KRT79: variants seen among roughly 807,000 people sequenced by gnomAD.
KRT79 encodes the protein keratin, type II cytoskeletal 79.
In KRT79, 51 loss-of-function variants were observed where a neutral mutation model predicts 49.0. The ratio of observed to expected loss-of-function variants is 1.04; its 90% CI spans 0.83 to 1.31. The LOEUF (loss-of-function observed/expected upper bound fraction) is 1.31, where lower values mean the gene tolerates loss of function less well. Ranked by LOEUF, KRT79 falls within the 40% of genes most tolerant of loss-of-function variation. The pLI, the probability that KRT79 is intolerant of heterozygous loss-of-function variation, is 0.00. For missense variants in KRT79, 728 were observed against 688.0 expected, an observed-to-expected ratio of 1.06 and a Z score of -0.65; for synonymous variants, 312 against 286.6, an observed-to-expected ratio of 1.09 and a Z score of -0.90.
intron 6 of KRT79, 79 bp from the exon 7 acceptor site, chr12:52,823,315 T>C (rs1044585849): frequency 1.7e-6 from 2 of 1,178,458 alleles, no homozygotes; most frequent in Non-Finnish European, 1.2e-6. Context: ...CATGGAGACA[T>C]CATCATTCCC....
chr12:52,827,861 T>C (rs1940198313), intron 4 of KRT79, among the ~76,000 whole-genome samples: 2 of 151,782 alleles, frequency 1.3e-5, no homozygotes, highest in South Asian at 4.2e-4. Flanking sequence ...CAAGACAGGG[T>C]AGATGAGAGA....
chr12:52,829,570 A>G (rs776792711), intron 4 of KRT79, among the ~76,000 whole-genome samples: 1 of 152,194 alleles, frequency 6.6e-6, no homozygotes, highest in Non-Finnish European at 1.5e-5. Context: ...GGCCCATCAA[A>G]AGCACTTAAT....
In KRT79 at chr12:52,822,035, G is replaced by T. The variant is rs1254894269; in HGVS notation, c.1445C>A (p.Ala482Asp). 6 of 1,614,104 alleles carry T rather than the reference G, an allele frequency of 3.7e-6. No homozygotes were observed. Among genetic ancestry groups the T allele is most frequent in the East Asian group, 4.5e-5 (2 of 44,876 alleles). Residue 482 changes from alanine (A) to aspartate (D), a missense_variant, in exon 9 of 9, where the codon GCC becomes GAC. Ala to Asp is a moderately radical substitution (Grantham distance 126). Transcript: ENST00000330553. ...CAGGGAGATGCCACCTCCAAAGCTG[G>T]CTGCGCCACCTCCGCACACAGTGGT... ...NSTTVCGGGAASFGGGISLGG... is the reference protein window; with the variant it reads ...NSTTVCGGGADSFGGGISLGG...
intron 2 of KRT79, 91 bp downstream of exon 2, chr12:52,831,315 C>A (rs1940250264): frequency 2.4e-6 from 3 of 1,266,006 alleles, no homozygotes; most frequent in Admixed American, 1.7e-5. Flanking sequence ...CCAGGTGGGC[C>A]TGGGACCCTG....
intron 6 of KRT79, 66 bp downstream of exon 6, chr12:52,823,821 G>A (rs1250147413): frequency 3.9e-6 from 6 of 1,549,898 alleles, no homozygotes; most frequent in Non-Finnish European, 5.2e-6. Flanking sequence ...CTAGCCCCTC[G>A]GGGTGACAAT....
chr12:52,826,859 T>C (rs1318350317), intron 4 of KRT79, among the ~76,000 whole-genome samples: 2 of 152,140 alleles, frequency 1.3e-5, no homozygotes, highest in African/African-American at 4.8e-5. Flanking sequence ...CTGAGAGCCA[T>C]GCTGGTTCCG....
chr12:52,823,658 T>C (rs1169451176), intron 6 of KRT79, among the ~76,000 whole-genome samples: 3 of 152,174 alleles, frequency 2.0e-5, no homozygotes, highest in Admixed American at 2.0e-4. Flanking sequence ...ATCAGTTTCC[T>C]TGGAGAAGGT....
rs375176330 is a variant in KRT79 at position 52,831,384 on chromosome 12, C to G, written c.698+22G>C. 98 of 1,610,058 alleles carry G rather than the reference C, an allele frequency of 6.1e-5. No homozygotes were observed. In the Middle Eastern group the frequency reaches 2.8e-3, roughly 46 times the overall value. On this transcript the variant is annotated intron_variant, in intron 2 of 8. Coordinates refer to ENST00000330553, the MANE Select transcript of KRT79 (RefSeq NM_175834.3). ...TGCCCCTCCTCACTCCCACATGGCC[C>G]CGCCTGGCCTGCTCTCCTCACTTGT...
chr12:52,829,654 A>G (rs1422515250), intron 4 of KRT79, among the ~76,000 whole-genome samples: 6 of 152,218 alleles, frequency 3.9e-5, no homozygotes, highest in African/African-American at 1.4e-4. Flanking sequence ...TAATCCCAGC[A>G]CTTTGGGAGG....
chr12:52,821,613 C>CGGCGTATCATT lies in KRT79; in HGVS notation c.*258_*259insAATGATACGCC. The stretch of plus-strand genomic sequence containing the variant: ...AGAAATTCAGCCTCCTCTCGGTGGT[C>CGGCGTATCATT]AAAAGGTCACCCCCAAGTCACCCAA... On this transcript the variant is annotated 3_prime_UTR_variant, in exon 9 of 9. Coordinates refer to ENST00000330553, the MANE Select transcript of KRT79 (RefSeq NM_175834.3). The CGGCGTATCATT allele has an allele frequency of 2.0e-6, 1 of 494,336 alleles. No individual in the cohort carries two copies. The highest frequency in any genetic ancestry group is 2.3e-5 in the South Asian group (1 of 43,484). The allele number at this position is 494,336 out of a possible 1,614,324, so 30.6% of individuals were successfully genotyped here. A position where few individuals can be genotyped will look rare whatever the true frequency, so the allele number is the denominator to read the frequency against.
Position 52,822,071 on chromosome 12 carries a change from G to C in KRT79, c.1409C>G (p.Thr470Ser). The C allele has an allele frequency of 6.2e-7, 1 of 1,613,972 alleles. No homozygotes were observed. Among genetic ancestry groups the C allele is most frequent in the South Asian group, 1.1e-5 (1 of 91,090 alleles). ...ECPSAVSISV[T>S]GNSTTVCGGG... ...TCCGCACACAGTGGTGGAGTTGCCA[G>C]TCACAGCTGCAAAGCAAAGGGTCTG... Residue 470 changes from threonine (T) to serine (S), a missense_variant, in exon 9 of 9, where the codon ACT (threonine) becomes AGT (serine). Physicochemically the swap from Thr to Ser is moderately conservative, Grantham distance 58. Coordinates refer to ENST00000330553, the MANE Select transcript of KRT79 (RefSeq NM_175834.3).
intron 4 of KRT79, among the ~76,000 whole-genome samples, chr12:52,825,174 T>C (rs1018932465): frequency 1.3e-5 from 2 of 152,172 alleles, no homozygotes; most frequent in Non-Finnish European, 2.9e-5. Context: ...CCCATGGTCC[T>C]TCCTGCTCTG....
In KRT79 at chr12:52,824,332, T is replaced by C. The variant is rs1592316592; in HGVS notation, c.886A>G (p.Asn296Asp). 6.2e-7 allele frequency: 1 copy of C among 1,614,178 alleles called. No individual in the cohort carries two copies. Among genetic ancestry groups the C allele is most frequent in the African/African-American group, 1.3e-5 (1 of 75,042 alleles). ...ELSQVQTHVS[N>D]TNVVLSMDNN... ...TCCATGGACAGCACCACATTGGTGT[T>C]AGACACGTGGGTCTGCACTTGGCTC... The change falls in exon 5 of 9, where the codon AAC becomes GAC. Residue 296 changes from asparagine to aspartate, a missense_variant. By Grantham distance (23) the Asn-to-Asp change is conservative. Coordinates refer to ENST00000330553, the MANE Select transcript of KRT79 (RefSeq NM_175834.3).
chr12:52,832,982 C>T (rs1349261052), intron 1 of KRT79, among the ~76,000 whole-genome samples: 1 of 152,202 alleles, frequency 6.6e-6, no homozygotes, highest in East Asian at 1.9e-4. Flanking sequence ...AACCAAGGTA[C>T]ATTTGTCTGC....
rs2121285840 is a variant in KRT79 at position 52,830,038 on chromosome 12, C to T, written c.840G>A (p.Gln280=). The change falls in exon 4 of 9, where the codon CAG becomes CAA. Residue 280 remains glutamine, a synonymous_variant. Transcript: ENST00000330553. ...GCCACCTCACCATTTCATAGAGTTG[C>T]TGCAGGAAGTCAATCTCCTGGGTCA... ...GTLTQEIDFL[Q]QLYEMELSQV... The T allele has an allele frequency of 1.2e-6, 2 of 1,614,194 alleles. No individual in the cohort carries two copies. Among genetic ancestry groups the T allele is most frequent in the South Asian group, 2.2e-5 (2 of 91,084 alleles).
At chr12:52,822,870 G>A in intron 7 of KRT79, 146 bp downstream of exon 7, 1 of 728,146 alleles carries the variant, frequency 1.4e-6, no homozygotes, top group Non-Finnish European at 2.2e-6. Context: ...GGAGGCAGTG[G>A]GCACAAGCAG....
intron 1 of KRT79, 40 bp downstream of exon 1, chr12:52,833,744 C>T (rs777302636): frequency 6.5e-7 from 1 of 1,543,998 alleles, no homozygotes; most frequent in African/African-American, 1.4e-5. Context: ...GGTCCCGCTT[C>T]TTCCCCAAGA....
rs1165644824 is a variant in KRT79 at position 52,830,310 on chromosome 12, C to T, written c.699-18G>A. ...CCTCGTACCTGTTACACATGGGAGA[C>T]TCAGGCCAGGCTCAGCCTGGCTCTG... On this transcript the variant is annotated intron_variant, in intron 2 of 8. Transcript: ENST00000330553. 6.2e-7 allele frequency: 1 copy of T among 1,613,348 alleles called. No homozygotes were observed. The highest frequency in any genetic ancestry group is 8.5e-7 in the Non-Finnish European group (1 of 1,179,284).
chr12:52,822,500 A>C (rs1295377510), intron 7 of KRT79, 121 bp from the exon 8 acceptor site: 5 of 707,504 alleles, frequency 7.1e-6, no homozygotes, highest in Non-Finnish European at 9.5e-6. Context: ...CAAGACCAGG[A>C]AACATGAGAA....
Sources: allele counts gnomAD v4.1 joint callset (sites outside exome capture counted in the v4.1 genomes callset), GRCh38; gene constraint gnomAD v4.1.1; transcripts MANE v1.5; gene names NCBI Gene and HGNC (gene_info 2026-07-23, HGNC 2026-07-21).